MEI1: variants seen among roughly 807,000 people sequenced by gnomAD.
MEI1 encodes meiosis inhibitor protein 1.
MEI1 carries 103 observed loss-of-function variants against 146.2 expected under a neutral mutation model. That is an observed-to-expected ratio of 0.70 (90% CI 0.60 to 0.83). The LOEUF is 0.83. Ranked by LOEUF, MEI1 falls within the 40% of genes least tolerant of loss-of-function variation. MEI1 has a pLI of 0.00. For missense variants in MEI1, 1,529 were observed against 1,533.0 expected, an observed-to-expected ratio of 1.00 and a Z score of 0.04; for synonymous variants, 652 against 628.2, an observed-to-expected ratio of 1.04 and a Z score of -0.57.
intron 28 of MEI1, 59 bp downstream of exon 28, chr22:41,794,536 A>G: frequency 7.0e-7 from 1 of 1,420,956 alleles, no homozygotes; most frequent in South Asian, 1.2e-5. Context: ...GTGGTGCTGA[A>G]GAGGCCAGGG....
intron 3 of MEI1, among the ~76,000 whole-genome samples, chr22:41,713,663 C>G (rs1428539360): frequency 1.3e-5 from 2 of 152,204 alleles, no homozygotes; most frequent in African/African-American, 4.8e-5. Flanking sequence ...ATTCTCCTGC[C>G]TCAACCTCCC....
chr22:41,743,235 C>A, intron 12 of MEI1, 41 bp downstream of exon 12: 1 of 1,443,332 alleles, frequency 6.9e-7, no homozygotes, highest in Non-Finnish European at 9.7e-7. Flanking sequence ...GATCATGCTG[C>A]AGTGTGTTTT....
intron 11 of MEI1, among the ~76,000 whole-genome samples, chr22:41,737,733 C>G (rs1204292318): frequency 2.6e-5 from 4 of 151,970 alleles, no homozygotes; most frequent in Non-Finnish European, 5.9e-5. Context: ...ACCCCGCCTC[C>G]CCCCACTAAA....
At chr22:41,750,953 A>T (rs560793421) in intron 15 of MEI1, among the ~76,000 whole-genome samples, 1 of 152,162 alleles carries the variant, frequency 6.6e-6, no homozygotes. Context: ...GCTGGATGGG[A>T]GGCAAGTGTA....
At position 41,758,452 on chromosome 22, in the gene MEI1, G is replaced by T. The variant is rs1448940976; in HGVS notation, c.2039G>T (p.Arg680Leu). 6.2e-6 allele frequency: 10 copies of T among 1,613,856 alleles called. No homozygotes were observed. The highest frequency in any genetic ancestry group is 8.5e-6 in the Non-Finnish European group (10 of 1,179,860). Residue 680 changes from arginine (R) to leucine (L), a missense_variant, in exon 18 of 31, where the codon CGC becomes CTC. By Grantham distance (102) the Arg-to-Leu change is moderately radical. This residue lies in a region of MEI1 where 1,212 missense variants were observed against 1,178.9 expected (regional missense o/e 1.03). Transcript: ENST00000401548. ...SPESLAFLSD[R>L]QYMEGAARQR... The stretch of plus-strand genomic sequence containing the variant: ...GAAAGCCTTGCCTTCCTGTCTGATC[G>T]CCAGTACATGGAGGGAGCTGCTCGC...
chr22:41,781,960 G>A lies in MEI1; in HGVS notation c.3087+115G>A, dbSNP rs992066789. On this transcript the variant is annotated intron_variant, in intron 24 of 30. Transcript: ENST00000401548. The stretch of plus-strand genomic sequence containing the variant: ...TTATTAGCTGTGTGACCTTGGCAAG[G>A]TATTTACCCTTTCTGAGCTCAGTTT... 7.8e-6 allele frequency: 9 copies of A among 1,157,030 alleles called. No homozygotes were observed. The African/African-American group carries it at 1.4e-4, about 18-fold the overall frequency. The allele number at this position is 1,157,030 out of a possible 1,614,324, so 71.7% of individuals were successfully genotyped here.
At chr22:41,739,022 T>C (rs554943867) in intron 11 of MEI1, among the ~76,000 whole-genome samples, 2 of 151,872 alleles carry the variant, frequency 1.3e-5, no homozygotes, top group East Asian at 1.9e-4. Flanking sequence ...AGGCTGGGCA[T>C]GGTGGCTCAC....
intron 12 of MEI1, among the ~76,000 whole-genome samples, chr22:41,743,681 T>C (rs2073062580): frequency 1.3e-5 from 2 of 152,218 alleles, no homozygotes; most frequent in Non-Finnish European, 2.9e-5. Context: ...TGATTATGTC[T>C]TTCAGGATTA....
chr22:41,772,746 C>G (rs957875289), intron 20 of MEI1, among the ~76,000 whole-genome samples: 1 of 152,170 alleles, frequency 6.6e-6, no homozygotes, highest in African/African-American at 2.4e-5. Context: ...GTCTGAGGCT[C>G]TCTTTTTACT....
chr22:41,759,218 G>C (rs1480925946), intron 18 of MEI1: 1 of 152,150 alleles, frequency 6.6e-6, no homozygotes, highest in Admixed American at 6.6e-5. Context: ...GTTGGGCCGG[G>C]TGCAGTGGCT....
rs191007362 is a variant in MEI1, at chr22:41,702,674, A to G, written c.175-657A>G. Among the ~76,000 whole-genome samples the G allele has an allele frequency of 4.6e-5, 7 of 150,608 alleles. No homozygotes were observed. In the East Asian group the frequency reaches 1.2e-3, roughly 25 times the overall value. On this transcript the variant is annotated intron_variant, in intron 1 of 30. Coordinates refer to ENST00000401548, the MANE Select transcript of MEI1 (RefSeq NM_152513.4). ...TGGTCAGGCCAGTCTCGAACTCCCA[A>G]CCTCAGGTGATCTGCCTGCTTCGGC...
In MEI1 at chr22:41,795,445, A is replaced by T; in HGVS notation, c.3569A>T (p.His1190Leu). 6.2e-7 allele frequency: 1 copy of T among 1,613,542 alleles called. No homozygotes were observed. Among genetic ancestry groups the T allele is most frequent in the African/African-American group, 1.3e-5 (1 of 74,882 alleles). Residue 1190 changes from histidine (H) to leucine (L), a missense_variant, in exon 29 of 31, where the codon CAT becomes CTT. Physicochemically the swap from His to Leu is moderately conservative, Grantham distance 99. This residue lies in a region of MEI1 where 313 missense variants were observed against 337.3 expected (regional missense o/e 0.93). Transcript: ENST00000401548. The surrounding 1 kb of genome is among the most constrained non-coding windows in gnomAD (Gnocchi z 4.2). The part of the protein sequence containing the change: ...MRYRSSSVLS[H>L]EEVGDVLQGV... Reference sequence around the variant, plus strand: ...TACCGGAGTAGCAGTGTCCTCTCTCATGAAGAGGTGGGTGATGTTCTGCAA... The same window carrying T: ...TACCGGAGTAGCAGTGTCCTCTCTCTTGAAGAGGTGGGTGATGTTCTGCAA...
chr22:41,795,328 C>T lies in MEI1; in HGVS notation c.3535-83C>T, dbSNP rs575238817. 7.8e-4 allele frequency: 1,218 copies of T among 1,567,246 alleles called. 2 individuals carry two copies. Among genetic ancestry groups the T allele is most frequent in the Non-Finnish European group, 9.3e-4 (1,072 of 1,151,444 alleles). ...TTCTGTGGGCTTCAGGACAGTGTCT[C>T]CTAAAGTTGGGGCACAGCAGTTGTC... is the stretch of plus-strand genomic sequence containing the variant. On this transcript the variant is annotated intron_variant, in intron 28 of 30. Transcript: ENST00000401548. This position sits in a 1 kb window ranked among gnomAD's most constrained non-coding sequence, Gnocchi z 4.2.
chr22:41,750,103 G>A (rs1420254051), intron 15 of MEI1, among the ~76,000 whole-genome samples: 1 of 152,178 alleles, frequency 6.6e-6, no homozygotes, highest in Non-Finnish European at 1.5e-5. Flanking sequence ...GGCTAGGGCT[G>A]GAGATCTAGC....
At chr22:41,742,974 C>A in intron 11 of MEI1, 106 bp from the exon 12 acceptor site, 2 of 740,940 alleles carry the variant, frequency 2.7e-6, no homozygotes, top group Non-Finnish European at 2.3e-6. Context: ...AGATTAGATT[C>A]CATGTTCTGA....
At chr22:41,761,271 A>G (rs2074468338) in intron 18 of MEI1, among the ~76,000 whole-genome samples, 1 of 149,360 alleles carries the variant, frequency 6.7e-6, no homozygotes, top group African/African-American at 2.5e-5. Context: ...ATATTGTGCC[A>G]TTGCACTCCA....
At chr22:41,703,179 CT>C (rs1288311353) in intron 1 of MEI1, among the ~76,000 whole-genome samples, 151 bp from the exon 2 acceptor site, 7 of 152,166 alleles carry the variant, frequency 4.6e-5, no homozygotes, top group African/African-American at 1.7e-4. Flanking sequence ...AAATGATATC[CT>C]TTTCCAACCT....
At chr22:41,751,205 C>T (rs367816824) in intron 15 of MEI1, among the ~76,000 whole-genome samples, 43 of 152,114 alleles carry the variant, frequency 2.8e-4, no homozygotes, top group African/African-American at 1.0e-3. Flanking sequence ...AAGCTTGGTG[C>T]CCCTTCCTGG....
At chr22:41,793,194 G>A (rs150417975) in intron 26 of MEI1, among the ~76,000 whole-genome samples, 32 of 151,304 alleles carry the variant, frequency 2.1e-4, no homozygotes, top group Non-Finnish European at 2.4e-4. Flanking sequence ...CCACCACCAC[G>A]CCCAGCTAAT....
Sources: gnomAD v4.1 joint callset for allele counts (sites outside exome capture counted in the v4.1 genomes callset) on GRCh38, gnomAD v4.1.1 for gene constraint, gnomAD v4.1.1 regional missense constraint, Gnocchi (gnomAD v3.1) non-coding constraint, MANE v1.5 for transcripts, NCBI Gene and HGNC (gene_info 2026-07-23, HGNC 2026-07-21) for gene names.